The following FLT3 variants were observed in gnomAD, a reference collection of about 807,000 sequenced individuals.
FLT3 encodes the protein fms related receptor tyrosine kinase 3, also known as receptor-type tyrosine-protein kinase FLT3.
Under a neutral mutation model 126.6 loss-of-function variants are expected in FLT3, and 46 were observed. The observed-to-expected ratio is 0.36, with a 90% CI of 0.29 to 0.46. The LOEUF (loss-of-function observed/expected upper bound fraction) is 0.46, where lower values mean the gene tolerates loss of function less well. Among genes scored for constraint, FLT3 ranks in the 20% least tolerant of loss-of-function variants. FLT3 has a pLI of 1.00. For missense variants in FLT3, 1,069 were observed against 1,190.3 expected, an observed-to-expected ratio of 0.90 and a Z score of 1.50; for synonymous variants, 404 against 434.4, an observed-to-expected ratio of 0.93 and a Z score of 0.87.
At chr13:28,096,252 G>T (rs1340970198) in intron 1 of FLT3, among the ~76,000 whole-genome samples, 1 of 152,080 alleles carries the variant, frequency 6.6e-6, no homozygotes, top group African/African-American at 2.4e-5. Flanking sequence ...AACTCAGGAG[G>T]TTGAGGTAGG....
At chr13:28,016,948 G>T (rs1376066896) in intron 20 of FLT3, among the ~76,000 whole-genome samples, 2 of 152,044 alleles carry the variant, frequency 1.3e-5, no homozygotes, top group African/African-American at 4.8e-5. Flanking sequence ...GGTTTTATTG[G>T]CTTTTTCCCA....
Position 28,045,934 on chromosome 13 carries a change from C to CA in FLT3, c.1205+2340dup, listed in dbSNP as rs57916548. ...TTGATGCCTCTAAGGCAATGGTTCT[C>CA]AAAAAAAAAAAAAAAAAAAATGCCA... On this transcript the variant is annotated intron_variant, in intron 9 of 23. Coordinates refer to ENST00000241453, the MANE Select transcript of FLT3 (RefSeq NM_004119.3). 6.1e-3 allele frequency among the ~76,000 whole-genome samples: 753 copies of CA among 122,762 alleles called. 9 individuals carry two copies. Among genetic ancestry groups the CA allele is most frequent in the African/African-American group, 0.016 (491 of 31,154 alleles). 80.5% of individuals were successfully genotyped at this position (122,762 alleles called of 152,430 possible). A position where few individuals can be genotyped will look rare whatever the true frequency, so the allele number is the denominator to read the frequency against.
intron 19 of FLT3, among the ~76,000 whole-genome samples, chr13:28,020,643 G>A (rs533418425): frequency 7.2e-5 from 11 of 152,096 alleles, no homozygotes; most frequent in African/African-American, 2.2e-4. Flanking sequence ...ACCCACCCCC[G>A]GCCTCAGTGT....
At chr13:28,042,068 C>T (rs1250146342) in intron 9 of FLT3, among the ~76,000 whole-genome samples, 1 of 151,280 alleles carries the variant, frequency 6.6e-6, no homozygotes, top group African/African-American at 2.4e-5. Context: ...GCAGGAGAAT[C>T]GCTTGAGGTG....
At chr13:28,095,040 G>T (rs1327772545) in intron 1 of FLT3, among the ~76,000 whole-genome samples, 3 of 152,130 alleles carry the variant, frequency 2.0e-5, no homozygotes, top group Non-Finnish European at 4.4e-5. Context: ...CCTGAGAAGT[G>T]GATACAGCTT....
Position 28,100,421 on chromosome 13 carries a change from G to A in FLT3, c.43+47C>T, listed in dbSNP as rs548079292. 3.7e-4 allele frequency: 442 copies of A among 1,202,440 alleles called. 4 individuals are homozygous for A. In the African/African-American group the frequency reaches 6.5e-3, roughly 18 times the overall value. The allele number at this position is 1,202,440 out of a possible 1,614,324, so 74.5% of individuals were successfully genotyped here. A position where few individuals can be genotyped will look rare whatever the true frequency, so the allele number is the denominator to read the frequency against. On this transcript the variant is annotated intron_variant, in intron 1 of 23. Transcript: ENST00000241453. The surrounding 1 kb of genome is among the most constrained non-coding windows in gnomAD (Gnocchi z 4.8). The stretch of plus-strand genomic sequence containing the variant: ...CGCCCGGGTCCACACTGCGGGGTGG[G>A]GGCTGAGGGACCGCGAGGGGCTGCG...
chr13:28,019,036 C>T (rs1199332992), intron 19 of FLT3, among the ~76,000 whole-genome samples: 4 of 149,196 alleles, frequency 2.7e-5, no homozygotes, highest in East Asian at 2.0e-4. Context: ...GGCGTGATCT[C>T]GGCTCACTGC....
chr13:28,063,877 T>G (rs1409888665), intron 2 of FLT3, among the ~76,000 whole-genome samples: 1 of 152,202 alleles, frequency 6.6e-6, no homozygotes, highest in Non-Finnish European at 1.5e-5. Flanking sequence ...CCCTGGAACT[T>G]CAAAGGAGGG....
rs187096953 is a variant in FLT3 at position 28,046,273 on chromosome 13, C to T, written c.1205+2002G>A. Among the ~76,000 whole-genome samples, 6 of 152,192 alleles carry T rather than the reference C, an allele frequency of 3.9e-5. No individual in the cohort carries two copies. The East Asian group carries it at 9.7e-4, about 25-fold the overall frequency. ...AGACAGTAGACAACTCCATGCAAAC[C>T]CTGCACTGAGATTCTAAAAGTCCCA... On this transcript the variant is annotated intron_variant, in intron 9 of 23. Transcript: ENST00000241453.
Position 28,035,633 on chromosome 13 carries a change from C to T in FLT3, c.1459G>A (p.Ala487Thr). ...EITEGVWNRK[A>T]NRKVFGQWVS... is the part of the protein sequence containing the mutation. ...CACTGTCCAAACACTTTTCTGTTAG[C>T]CTTTCTATTCCAGACTCCTTCTGTG... The change falls in exon 12 of 24, where the codon GCT becomes ACT. Residue 487 changes from alanine (A) to threonine (T), a missense_variant. Ala to Thr is a moderately conservative substitution (Grantham distance 58). Coordinates refer to ENST00000241453, the MANE Select transcript of FLT3 (RefSeq NM_004119.3). 6.2e-7 allele frequency: 1 copy of T among 1,613,974 alleles called. No individual in the cohort carries two copies.
intron 5 of FLT3, among the ~76,000 whole-genome samples, chr13:28,051,539 T>C (rs1205207106): frequency 5.8e-5 from 7 of 121,576 alleles, no homozygotes; most frequent in Non-Finnish European, 1.2e-4. Flanking sequence ...GCCCAGCCTA[T>C]AATTTCCCTT....
intron 15 of FLT3, among the ~76,000 whole-genome samples, chr13:28,029,237 A>C (rs1016878026): frequency 6.6e-6 from 1 of 152,120 alleles, no homozygotes; most frequent in African/African-American, 2.4e-5. Context: ...CTAAACATAC[A>C]AAAAATTAGC....
chr13:28,059,461 GACATT>G (rs1876341254), intron 3 of FLT3, among the ~76,000 whole-genome samples: 1 of 152,126 alleles, frequency 6.6e-6, no homozygotes, highest in South Asian at 2.1e-4. Context: ...ACAGGGTTAG[GACATT>G]ACCCACACAT....
intron 23 of FLT3, among the ~76,000 whole-genome samples, chr13:28,009,003 A>C (rs1001272940): frequency 1.3e-5 from 2 of 151,600 alleles, no homozygotes; most frequent in Non-Finnish European, 2.9e-5. Flanking sequence ...TAGAGATGGG[A>C]TCTCTCTCCT....
Position 28,035,979 on chromosome 13 carries a change from T to C in FLT3, c.1374A>G (p.Pro458=). 1.9e-6 allele frequency: 3 copies of C among 1,614,206 alleles called. No homozygotes were observed. The highest frequency in any genetic ancestry group is 2.5e-6 in the Non-Finnish European group (3 of 1,180,014). ...SQASCFSDGY[P]LPSWTWKKCS... The stretch of plus-strand genomic sequence containing the variant: ...ACTTCTTCCAGGTCCAAGATGGTAA[T>C]GGGTATCCATCCGAGAAACAGGACG... Residue 458 remains proline (P), a synonymous_variant, in exon 11 of 24, where the codon CCA becomes CCG. Coordinates refer to ENST00000241453, the MANE Select transcript of FLT3 (RefSeq NM_004119.3).
intron 4 of FLT3, 23 bp downstream of exon 4, chr13:28,057,324 T>C: frequency 2.0e-6 from 2 of 991,946 alleles, no homozygotes; most frequent in Non-Finnish European, 3.3e-6. Flanking sequence ...CAGGCTGGAA[T>C]ACTAGTAGCA....
rs531908653 is a variant in FLT3 at position 28,097,689 on chromosome 13, C to T, written c.43+2779G>A. Among the ~76,000 whole-genome samples, 4 of 152,250 alleles carry T rather than the reference C, an allele frequency of 2.6e-5. No individual in the cohort carries two copies. The South Asian group carries it at 8.3e-4, about 32-fold the overall frequency. On this transcript the variant is annotated intron_variant, in intron 1 of 23. Transcript: ENST00000241453. The stretch of plus-strand genomic sequence containing the variant: ...TTAATGTCAGGTCGGCAGGTCTGGG[C>T]TCACATCCAATCCAAACCAAGCTTT...
At chr13:28,044,824 G>T (rs1309230318) in intron 9 of FLT3, among the ~76,000 whole-genome samples, 1 of 152,178 alleles carries the variant, frequency 6.6e-6, no homozygotes, top group African/African-American at 2.4e-5. Flanking sequence ...CAGTGAAGAG[G>T]ATGCTGTCGA....
At chr13:28,073,604 T>A (rs11149513) in intron 1 of FLT3, among the ~76,000 whole-genome samples, 104,775 of 151,972 alleles carry the variant, frequency 0.69, 38,382 homozygotes, top group Non-Finnish European at 0.8. Context: ...ATTTAGTAAA[T>A]TCATACATAT....
Sources: gnomAD v4.1 joint callset for allele counts (sites outside exome capture counted in the v4.1 genomes callset) on GRCh38, gnomAD v4.1.1 for gene constraint, Gnocchi (gnomAD v3.1) non-coding constraint, MANE v1.5 for transcripts, NCBI Gene and HGNC (gene_info 2026-07-23, HGNC 2026-07-21) for gene names.